Variants in PKD1 observed in about 807,000 individuals in gnomAD.
The protein encoded by PKD1 is polycystin 1, transient receptor potential channel interacting.
A neutral mutation model predicts 361.7 loss-of-function variants in PKD1; 81 were observed. The observed-to-expected ratio is 0.22, with a 90% CI of 0.19 to 0.27. PKD1 has a LOEUF of 0.27. Ranked by LOEUF, PKD1 falls within the 10% of genes least tolerant of loss-of-function variation. PKD1 has a pLI of 1.00. For missense variants in PKD1, 6,399 were observed against 6,118.3 expected (o/e 1.05, Z -1.53); for synonymous variants, 3,615 against 2,818.3 (o/e 1.28, Z -8.95).
Position 2,118,498 on chromosome 16 carries a change from C to T in PKD1, c.530-36G>A, listed in dbSNP as rs1401597983. 7.3e-7 allele frequency: 1 copy of T among 1,369,378 alleles called. No homozygotes were observed. Among genetic ancestry groups the T allele is most frequent in the Admixed American group, 1.9e-5 (1 of 51,384 alleles). The allele number at this position is 1,369,378 out of a possible 1,614,324, so 84.8% of individuals were successfully genotyped here. A position where few individuals can be genotyped will look rare whatever the true frequency, so the allele number is the denominator to read the frequency against. On this transcript the variant is annotated intron_variant, in intron 4 of 45. Transcript: ENST00000262304. This position sits in a 1 kb window ranked among gnomAD's most constrained non-coding sequence, Gnocchi z 6.0. ...CAGCCACTGGACCCCGGGTTCTGCTCCTCCTGGCTCCACCCCACGCCCCCA... is the reference window on the plus strand; with the variant it reads ...CAGCCACTGGACCCCGGGTTCTGCTTCTCCTGGCTCCACCCCACGCCCCCA...
rs760474929 is a variant in PKD1, at chr16:2,100,598, G to A, written c.9398-32C>T. The A allele has an allele frequency of 2.1e-5, 33 of 1,588,788 alleles. No homozygotes were observed. The highest frequency in any genetic ancestry group is 4.5e-5 in the East Asian group (2 of 44,746). On this transcript the variant is annotated intron_variant, in intron 26 of 45. Transcript: ENST00000262304. This position sits in a 1 kb window ranked among gnomAD's most constrained non-coding sequence, Gnocchi z 4.4. ...GGCAAGAGGGAGGGGTGGGAGGCTC[G>A]GTCTGCTGCCCAACACGTGTGGCAT...
In PKD1 at chr16:2,118,318, G is replaced by A. The variant is rs748021456; in HGVS notation, c.674C>T (p.Ser225Leu). ...FSTGQGLAAL[S>L]EQGWCLCGAA... Reference sequence around the variant, plus strand: ...CCCACACAGGCACCAGCCCTGCTCCGAGAGGGCTGCGAGGCCCTGGCCGGT... The same window carrying A: ...CCCACACAGGCACCAGCCCTGCTCCAAGAGGGCTGCGAGGCCCTGGCCGGT... Residue 225 changes from serine to leucine, a missense_variant, in exon 5 of 46, where the codon TCG becomes TTG. Physicochemically the swap from Ser to Leu is moderately radical, Grantham distance 145. Transcript: ENST00000262304. This position sits in a 1 kb window ranked among gnomAD's most constrained non-coding sequence, Gnocchi z 6.0. The A allele has an allele frequency of 1.8e-4, 278 of 1,513,270 alleles. No individual in the cohort carries two copies. The highest frequency in any genetic ancestry group is 1.6e-4 in the Non-Finnish European group (175 of 1,128,248). 93.7% of individuals were successfully genotyped at this position (1,513,270 alleles called of 1,614,324 possible).
chr16:2,121,981 C>T (rs1031083145), intron 1 of PKD1, among the ~76,000 whole-genome samples: 1 of 152,366 alleles, frequency 6.6e-6, no homozygotes, highest in South Asian at 2.1e-4. Flanking sequence ...TCCAGCCCTG[C>T]TCCTCCCACC....
chr16:2,112,854 G>A lies in PKD1; in HGVS notation c.3095C>T (p.Ser1032Phe), dbSNP rs1463155352. The change falls in exon 13 of 46, where the codon TCC becomes TTC. Residue 1032 changes from serine to phenylalanine, a missense_variant. By Grantham distance (155) the Ser-to-Phe change is radical. Transcript: ENST00000262304. ...CGTCAGTGCTAGCGTGGCATTGGGG[G>A]ACAGCACGGCCGGCACTGTGGAGAC... ...LQVSTVPAVL[S>F]PNATLALTAG... The A allele has an allele frequency of 6.2e-7, 1 of 1,605,604 alleles. No homozygotes were observed. The highest frequency in any genetic ancestry group is 1.7e-5 in the Admixed American group (1 of 60,010).
chr16:2,091,634 A>G (rs774643617), intron 41 of PKD1, 37 bp from the exon 42 acceptor site: 28 of 1,560,360 alleles, frequency 1.8e-5, no homozygotes, highest in African/African-American at 2.7e-5. Context: ...AGCGGGTGGC[A>G]GGGCGGGAGC....
At chr16:2,094,293 T>C (rs918421196) in intron 34 of PKD1, 83 bp from the exon 35 acceptor site, 56 of 869,712 alleles carry the variant, frequency 6.4e-5, no homozygotes, top group Non-Finnish European at 1.0e-4. Context: ...GGGCGGGCAG[T>C]TTCTTGAGCC....
Position 2,089,675 on chromosome 16 carries a change from A to T in PKD1, c.*52T>A. ...GGCCTTGACAGCGGCAGAAAGTAAT[A>T]CTGAGCGGTGTCCACTCCGACTCCA... is the stretch of plus-strand genomic sequence containing the variant. On this transcript the variant is annotated 3_prime_UTR_variant, in exon 46 of 46. Coordinates refer to ENST00000262304, the MANE Select transcript of PKD1 (RefSeq NM_001009944.3). The T allele has an allele frequency of 6.5e-7, 1 of 1,547,072 alleles. No individual in the cohort carries two copies. The highest frequency in any genetic ancestry group is 2.4e-5 in the East Asian group (1 of 41,192).
rs536013708 is a variant in PKD1 at position 2,105,691 on chromosome 16, G to T, written c.7863+174C>A. On this transcript the variant is annotated intron_variant, in intron 20 of 45. Coordinates refer to ENST00000262304, the MANE Select transcript of PKD1 (RefSeq NM_001009944.3). ...CATTGTGGAAAGCAGACGCCGGAGA[G>T]GGCCCGGTGGGTGTGGCTGCTGGGA... 1.1e-4 allele frequency: 138 copies of T among 1,309,430 alleles called. 1 individual carries two copies. The South Asian group carries it at 1.6e-3, about 15-fold the overall frequency. 81.1% of individuals were successfully genotyped at this position (1,309,430 alleles called of 1,614,324 possible). A position where few individuals can be genotyped will look rare whatever the true frequency, so the allele number is the denominator to read the frequency against.
intron 14 of PKD1, 42 bp from the exon 15 acceptor site, chr16:2,111,913 C>T: frequency 6.2e-7 from 1 of 1,605,434 alleles, no homozygotes; most frequent in Non-Finnish European, 8.5e-7. Flanking sequence ...GGCACCCCCA[C>T]CTGCTCCCCA....
In PKD1 at chr16:2,108,413, C is replaced by A. The variant is rs932160036; in HGVS notation, c.6754G>T (p.Ala2252Ser). The A allele has an allele frequency of 6.2e-7, 1 of 1,610,458 alleles. No homozygotes were observed. The highest frequency in any genetic ancestry group is 8.5e-7 in the Non-Finnish European group (1 of 1,179,748). ...TQSIQANVTV[A>S]PERLVPIIEG... is the part of the protein sequence containing the mutation. Reference sequence around the variant, plus strand: ...ATGATGGGCACCAGGCGCTCGGGGGCCACCGTCACATTGGCCTGGATGCTC... The same window carrying A: ...ATGATGGGCACCAGGCGCTCGGGGGACACCGTCACATTGGCCTGGATGCTC... Residue 2252 changes from alanine (A) to serine (S), a missense_variant, in exon 15 of 46, where the codon GCC (alanine) becomes TCC (serine). Coordinates refer to ENST00000262304, the MANE Select transcript of PKD1 (RefSeq NM_001009944.3).
chr16:2,121,792 A>G (rs1054808667), intron 1 of PKD1, among the ~76,000 whole-genome samples: 21 of 152,054 alleles, frequency 1.4e-4, no homozygotes, highest in Admixed American at 3.3e-4. Context: ...CCTGCTCCCC[A>G]GGACCCCGAG....
rs751298817 is a variant in PKD1 at position 2,102,778 on chromosome 16, C to T, written c.8948+36G>A. 42 of 1,606,620 alleles carry T rather than the reference C, an allele frequency of 2.6e-5. 1 individual carries two copies. Among genetic ancestry groups the T allele is most frequent in the Admixed American group, 1.2e-4 (7 of 60,014 alleles). ...CCAGGCAATGCTGACCCATGATGCC[C>T]TGCCCTGCCCTGCCAGGCTGGCCCG... On this transcript the variant is annotated intron_variant, in intron 24 of 45. Transcript: ENST00000262304.
chr16:2,114,106 G>A (rs2092587345), intron 11 of PKD1, 64 bp downstream of exon 11: 1 of 1,391,884 alleles, frequency 7.2e-7, no homozygotes, highest in Admixed American at 1.7e-5. Context: ...CTCACGCCCT[G>A]TGTGAGCACC....
Position 2,111,464 on chromosome 16 carries a change from C to T in PKD1, c.3703G>A (p.Val1235Met). ...CACGTGATGTTGTCGCCCGTCTGCA[C>T]CGCGGCGCTGACCACCACGGGGGCG... ...QGAPVVVSAAVQTGDNITWTF... is the reference protein window; with the variant it reads ...QGAPVVVSAAMQTGDNITWTF... Residue 1235 changes from valine to methionine, a missense_variant, in exon 15 of 46, where the codon GTG becomes ATG. Val to Met is a conservative substitution (Grantham distance 21, BLOSUM62 1). Coordinates refer to ENST00000262304, the MANE Select transcript of PKD1 (RefSeq NM_001009944.3). The T allele has an allele frequency of 6.2e-7, 1 of 1,611,738 alleles. No homozygotes were observed. The highest frequency in any genetic ancestry group is 8.5e-7 in the Non-Finnish European group (1 of 1,179,494).
rs760309066 is a variant in PKD1 at position 2,089,794 on chromosome 16, T to G, written c.12845A>C (p.Asp4282Ala). The change falls in exon 46 of 46, where the codon GAC becomes GCC. Residue 4282 changes from aspartate (D) to alanine (A), a missense_variant. Asp to Ala is a moderately radical substitution (Grantham distance 126). Coordinates refer to ENST00000262304, the MANE Select transcript of PKD1 (RefSeq NM_001009944.3). ...SRLARASRGV[D>A]LATGPSRTPL... ...TGTCCTGCTGGGGCCAGTGGCCAGG[T>G]CCACACCCCGACTGGCCCGGGCAAG... 6.3e-7 allele frequency: 1 copy of G among 1,597,426 alleles called. No individual in the cohort carries two copies. Among genetic ancestry groups the G allele is most frequent in the African/African-American group, 1.3e-5 (1 of 74,882 alleles).
chr16:2,100,357 G>C lies in PKD1; in HGVS notation c.9568+39C>G. 9.9e-6 allele frequency: 16 copies of C among 1,609,768 alleles called. No individual in the cohort carries two copies. The highest frequency in any genetic ancestry group is 1.4e-5 in the Non-Finnish European group (16 of 1,178,560). On this transcript the variant is annotated intron_variant, in intron 27 of 45. Transcript: ENST00000262304. This position sits in a 1 kb window ranked among gnomAD's most constrained non-coding sequence, Gnocchi z 4.4. ...TCAGGCTCGCAGGGCGCCCCAATGC[G>C]GGGGCAGAGGGGCAGAGCTTGGCAG...
chr16:2,109,836 G>C lies in PKD1; in HGVS notation c.5331C>G (p.His1777Gln). 1 of 1,610,686 alleles carries C rather than the reference G, an allele frequency of 6.2e-7. No homozygotes were observed. Among genetic ancestry groups the C allele is most frequent in the East Asian group, 2.2e-5 (1 of 44,892 alleles). The change falls in exon 15 of 46, where the codon CAC becomes CAG. Residue 1777 changes from histidine to glutamine, a missense_variant. Physicochemically the swap from His to Gln is conservative, Grantham distance 24 (BLOSUM62 0). Transcript: ENST00000262304. The part of the protein sequence containing the change: ...TTHSFPTPGL[H>Q]LVTMTAGNPL... ...GGTTCCCTGCCGTCATGGTGACCAA[G>C]TGCAGGCCGGGTGTGGGGAAGCTAT...
chr16:2,092,950 G>A lies in PKD1; in HGVS notation c.11156+4C>T, dbSNP rs1417376349. ...AGACAGACCAGTGCACCGGATGCCC[G>A]TACCGCGTGATGGCCAGGAAGGCCC... On this transcript the variant is annotated splice_donor_region_variant and intron_variant, in intron 38 of 45. Transcript: ENST00000262304. 89 of 1,612,940 alleles carry A rather than the reference G, an allele frequency of 5.5e-5. No individual in the cohort carries two copies. The highest frequency in any genetic ancestry group is 6.9e-5 in the Non-Finnish European group (81 of 1,179,970).
At chr16:2,107,774 G>A (rs188292329) in intron 16 of PKD1, 109 bp downstream of exon 16, 4 of 907,550 alleles carry the variant, frequency 4.4e-6, no homozygotes, top group East Asian at 2.6e-5. Flanking sequence ...ATCAGAAACA[G>A]AGAGGGGAGA....
Sources: allele counts gnomAD v4.1 joint callset (sites outside exome capture counted in the v4.1 genomes callset), GRCh38; gene constraint gnomAD v4.1.1; non-coding constraint Gnocchi (gnomAD v3.1); transcripts MANE v1.5; gene names NCBI Gene and HGNC (gene_info 2026-07-23, HGNC 2026-07-21).